Variants in CFAP299 observed in about 807,000 individuals in gnomAD.
CFAP299 encodes cilia- and flagella-associated protein 299.
CFAP299 carries 21 observed loss-of-function variants against 27.0 expected under a neutral mutation model. That is an observed-to-expected ratio of 0.78 (90% CI 0.55 to 1.12). CFAP299 has a LOEUF of 1.12. Ranked by LOEUF, CFAP299 falls within the 50% of genes most tolerant of loss-of-function variation. The pLI is 0.00. For missense variants in CFAP299, 310 were observed against 276.6 expected (o/e 1.12, Z -0.86); for synonymous variants, 104 against 98.1 (o/e 1.06, Z -0.36).
intron 3 of CFAP299, among the ~76,000 whole-genome samples, chr4:80,619,896 C>G (rs571322074): frequency 6.6e-6 from 1 of 151,836 alleles, no homozygotes; most frequent in Non-Finnish European, 1.5e-5. Flanking sequence ...TGTTTATTTT[C>G]CCCTGTGAAA....
At chr4:80,664,775 A>G (rs1386580159) in intron 3 of CFAP299, among the ~76,000 whole-genome samples, 3 of 151,964 alleles carry the variant, frequency 2.0e-5, no homozygotes, top group Admixed American at 2.0e-4. Context: ...CCACTGGGGT[A>G]TGAAAAAAAA....
chr4:80,414,157 G>T (rs1049639687), intron 2 of CFAP299, among the ~76,000 whole-genome samples: 1 of 140,352 alleles, frequency 7.1e-6, no homozygotes, highest in African/African-American at 2.7e-5. Flanking sequence ...TGCAAGCTCC[G>T]CCTCCCGGGT....
intron 3 of CFAP299, among the ~76,000 whole-genome samples, chr4:80,769,853 G>A (rs1022190533): frequency 2.6e-5 from 4 of 152,062 alleles, no homozygotes; most frequent in African/African-American, 9.7e-5. Flanking sequence ...ATTTACTATT[G>A]GCATAATTCA....
At chr4:80,689,040 T>C (rs1720447140) in intron 3 of CFAP299, among the ~76,000 whole-genome samples, 1 of 152,170 alleles carries the variant, frequency 6.6e-6, no homozygotes, top group Non-Finnish European at 1.5e-5. Context: ...TATGGGACTA[T>C]GTGAAAAGAC....
chr4:80,936,802 T>C (rs1406144187), intron 4 of CFAP299, among the ~76,000 whole-genome samples: 1 of 151,786 alleles, frequency 6.6e-6, no homozygotes, highest in African/African-American at 2.4e-5. Context: ...AATAAAAAAA[T>C]AAAAAATAAA....
At chr4:80,880,436 T>C (rs1457921964) in intron 4 of CFAP299, among the ~76,000 whole-genome samples, 1 of 152,082 alleles carries the variant, frequency 6.6e-6, no homozygotes, top group Non-Finnish European at 1.5e-5. Context: ...AGAATGCGGT[T>C]AAGAAATATA....
At chr4:80,414,219 C>T (rs796869574) in intron 2 of CFAP299, among the ~76,000 whole-genome samples, 5 of 150,864 alleles carry the variant, frequency 3.3e-5, no homozygotes, top group Non-Finnish European at 5.9e-5. Context: ...TACAGGCGCC[C>T]GCCACTACGC....
upstream of CFAP299, among the ~76,000 whole-genome samples, chr4:80,334,054 G>A (rs1032958341): frequency 2.0e-5 from 3 of 152,298 alleles, no homozygotes; most frequent in Non-Finnish European, 4.4e-5. Flanking sequence ...TAATAGAGAA[G>A]CTGATTTGCT....
intron 2 of CFAP299, among the ~76,000 whole-genome samples, chr4:80,434,437 G>T (rs1333305502): frequency 6.6e-6 from 1 of 152,244 alleles, no homozygotes; most frequent in East Asian, 1.9e-4. Context: ...TTACATCTTT[G>T]CTGCCCTTTC....
chr4:80,785,992 T>A (rs1426263046), intron 3 of CFAP299, among the ~76,000 whole-genome samples: 2 of 152,168 alleles, frequency 1.3e-5, no homozygotes, highest in African/African-American at 4.8e-5. Context: ...AGAATAATTT[T>A]AAAAAATCCT....
intron 2 of CFAP299, among the ~76,000 whole-genome samples, chr4:80,465,683 C>A (rs544933137): frequency 6.6e-6 from 1 of 152,240 alleles, no homozygotes; most frequent in South Asian, 2.1e-4. Flanking sequence ...GAGAAAAAAA[C>A]CAAAAGAGAA....
chr4:80,833,038 A>T (rs965912269), intron 3 of CFAP299, among the ~76,000 whole-genome samples: 2 of 152,074 alleles, frequency 1.3e-5, no homozygotes, highest in Non-Finnish European at 2.9e-5. Flanking sequence ...AATAACTGAA[A>T]GTATTACGTT....
chr4:80,660,971 C>G (rs1740812889), intron 3 of CFAP299, among the ~76,000 whole-genome samples: 1 of 151,996 alleles, frequency 6.6e-6, no homozygotes, highest in Non-Finnish European at 1.5e-5. Context: ...GGGATTGTTG[C>G]AAGAGAGAAC....
chr4:80,460,778 G>T (rs1729398371), intron 2 of CFAP299, among the ~76,000 whole-genome samples: 1 of 152,082 alleles, frequency 6.6e-6, no homozygotes. Context: ...CGATTATGTG[G>T]ATTTGTCCCA....
At chr4:80,874,547 C>T (rs146074916) in intron 4 of CFAP299, among the ~76,000 whole-genome samples, 2 of 151,992 alleles carry the variant, frequency 1.3e-5, no homozygotes, top group Non-Finnish European at 2.9e-5. Context: ...AATCCAAGAC[C>T]AAGGTGCTGG....
At chr4:80,662,062 C>G (rs1184558162) in intron 3 of CFAP299, among the ~76,000 whole-genome samples, 4 of 152,086 alleles carry the variant, frequency 2.6e-5, no homozygotes, top group Non-Finnish European at 5.9e-5. Context: ...AATGACAATG[C>G]GTGCCCGAAA....
At chr4:80,929,881 G>C (rs1397834664) in intron 4 of CFAP299, among the ~76,000 whole-genome samples, 1 of 152,126 alleles carries the variant, frequency 6.6e-6, no homozygotes, top group African/African-American at 2.4e-5. Flanking sequence ...CTTATACACT[G>C]TAATATTATG....
At chr4:80,660,182 A>G (rs1740769632) in intron 3 of CFAP299, among the ~76,000 whole-genome samples, 1 of 152,194 alleles carries the variant, frequency 6.6e-6, no homozygotes, top group Non-Finnish European at 1.5e-5. Flanking sequence ...GCATGATTTT[A>G]CTGGAGCAGT....
At chr4:80,941,084 C>T (rs935115451) in intron 4 of CFAP299, among the ~76,000 whole-genome samples, 5 of 152,078 alleles carry the variant, frequency 3.3e-5, no homozygotes, top group African/African-American at 1.2e-4. Flanking sequence ...TATGAACATC[C>T]TCCTCTATAT....
Sources: gnomAD v4.1 joint callset for allele counts (sites outside exome capture counted in the v4.1 genomes callset) on GRCh38, gnomAD v4.1.1 for gene constraint, MANE v1.5 for transcripts, NCBI Gene and HGNC (gene_info 2026-07-23, HGNC 2026-07-21) for gene names.